Variants in CHRD observed in about 807,000 individuals in gnomAD.
The protein encoded by CHRD is chordin.
Under a neutral mutation model 113.7 loss-of-function variants are expected in CHRD, and 69 were observed. That is an observed-to-expected ratio of 0.61 (90% CI 0.50 to 0.74). The LOEUF (loss-of-function observed/expected upper bound fraction) is 0.74, where lower values mean the gene tolerates loss of function less well. Ranked by LOEUF, CHRD falls within the 30% of genes least tolerant of loss-of-function variation. The pLI is 0.00. For missense variants in CHRD, 1,194 were observed against 1,295.8 expected, an observed-to-expected ratio of 0.92 and a Z score of 1.21; for synonymous variants, 561 against 540.8, an observed-to-expected ratio of 1.04 and a Z score of -0.52.
In CHRD at chr3:184,384,497, C is replaced by T. The variant is rs780357829; in HGVS notation, c.1441-40C>T. Reference sequence around the variant, plus strand: ...GTCCAAGACTTCAGAACCTTGGACTCGTGTGAGAGCTGAGAAGGCCTATCC... The same window carrying T: ...GTCCAAGACTTCAGAACCTTGGACTTGTGTGAGAGCTGAGAAGGCCTATCC... On this transcript the variant is annotated intron_variant, in intron 12 of 22. Coordinates refer to ENST00000204604, the Ensembl canonical transcript of CHRD. This position sits in a 1 kb window ranked among gnomAD's most constrained non-coding sequence, Gnocchi z 4.4. 24 of 1,444,090 alleles carry T rather than the reference C, an allele frequency of 1.7e-5. No individual in the cohort carries two copies. The highest frequency in any genetic ancestry group is 1.6e-4 in the South Asian group (10 of 62,750). 89.5% of individuals were successfully genotyped at this position (1,444,090 alleles called of 1,614,324 possible).
Position 184,384,422 on chromosome 3 carries a change from G to A in CHRD, c.1441-115G>A. ...ACTGGGCCTGCCAGGTCCTTATCCTGTGTTTCTGGTGTGTGGAAGTGTGTG... is the reference window on the plus strand; with the variant it reads ...ACTGGGCCTGCCAGGTCCTTATCCTATGTTTCTGGTGTGTGGAAGTGTGTG... On this transcript the variant is annotated intron_variant, in intron 12 of 22. Transcript: ENST00000204604. The surrounding 1 kb of genome is among the most constrained non-coding windows in gnomAD (Gnocchi z 4.4). The A allele has an allele frequency of 8.1e-7, 1 of 1,228,244 alleles. No individual in the cohort carries two copies. The highest frequency in any genetic ancestry group is 1.1e-6 in the Non-Finnish European group (1 of 951,016). 76.1% of individuals were successfully genotyped at this position (1,228,244 alleles called of 1,614,324 possible). A position where few individuals can be genotyped will look rare whatever the true frequency, so the allele number is the denominator to read the frequency against.
chr3:184,383,192 G>A (rs184691285), intron 10 of CHRD, 29 bp downstream of exon 10: 36 of 1,592,260 alleles, frequency 2.3e-5, no homozygotes, highest in South Asian at 4.5e-5. Context: ...CTGGTGCGCC[G>A]GGCATGCACA....
chr3:184,388,730 T>G lies in CHRD; in HGVS notation c.2698T>G (p.Cys900Gly). ...TTTTGGAGAGATGAGCTGTATCACCTGCAGATGTGGGGTAAGTGGGGAGCA... is the reference window on the plus strand; with the variant it reads ...TTTTGGAGAGATGAGCTGTATCACCGGCAGATGTGGGGTAAGTGGGGAGCA... The change falls in exon 21 of 23, where the codon TGC becomes GGC. Residue 900 changes from cysteine (C) to glycine (G), a missense_variant. Cys to Gly is a radical substitution (Grantham distance 159). Transcript: ENST00000204604. The surrounding 1 kb of genome is among the most constrained non-coding windows in gnomAD (Gnocchi z 6.1). The G allele has an allele frequency of 6.2e-7, 1 of 1,613,994 alleles. No individual in the cohort carries two copies. Among genetic ancestry groups the G allele is most frequent in the Non-Finnish European group, 8.5e-7 (1 of 1,179,994 alleles).
Position 184,386,835 on chromosome 3 carries a change from C to T in CHRD, c.2197-10C>T, listed in dbSNP as rs1454221982. 6.2e-7 allele frequency: 1 copy of T among 1,614,164 alleles called. No homozygotes were observed. Among genetic ancestry groups the T allele is most frequent in the African/African-American group, 1.3e-5 (1 of 75,076 alleles). On this transcript the variant is annotated splice_polypyrimidine_tract_variant and intron_variant, in intron 16 of 22. Transcript: ENST00000204604. ...GACACTCCCGTCAATGCCTCTGCTC[C>T]TCTCTGCAGAGACGAACGGTGATCT...
At chr3:184,386,809 G>A (rs767663636) in intron 16 of CHRD, 36 bp from the exon 17 acceptor site, 1 of 1,613,884 alleles carries the variant, frequency 6.2e-7, no homozygotes, top group Non-Finnish European at 8.5e-7. Flanking sequence ...CAAGGGGCCT[G>A]GACACTCCCG....
Position 184,386,070 on chromosome 3 carries a change from G to T in CHRD, c.1843G>T (p.Glu615Ter), listed in dbSNP as rs1423293740. 6.2e-7 allele frequency: 1 copy of T among 1,614,104 alleles called. No individual in the cohort carries two copies. Among genetic ancestry groups the T allele is most frequent in the Non-Finnish European group, 8.5e-7 (1 of 1,180,054 alleles). The change falls in exon 15 of 23, where the codon GAG becomes TAG. Residue 615 changes from glutamate to a stop codon, truncating the protein, a stop_gained. Transcript: ENST00000204604. LOFTEE classifies it high-confidence loss of function. ...GGCCCAGGGTGTGGTGAAGGACCTG[G>T]AGCCGGAACTGCTGCGGCACCTGGC...
chr3:184,385,263 G>A, intron 14 of CHRD, 25 bp downstream of exon 14: 1 of 1,572,330 alleles, frequency 6.4e-7, no homozygotes, highest in Non-Finnish European at 8.7e-7. Context: ...GTAGGCGGCA[G>A]CTTGGAACAT....
In CHRD at chr3:184,383,307, C is replaced by T. The variant is rs370397365; in HGVS notation, c.1214-5C>T. 19 of 1,612,370 alleles carry T rather than the reference C, an allele frequency of 1.2e-5. No individual in the cohort carries two copies. The Admixed American group carries it at 1.5e-4, about 13-fold the overall frequency. ...CCTAGCCTCACCTGTCTTGCCCCTC[C>T]GTAGTCCTGCAAAGTGTCCTTTGTG... On this transcript the variant is annotated splice_region_variant and splice_polypyrimidine_tract_variant and intron_variant, in intron 10 of 22. Coordinates refer to ENST00000204604, the Ensembl canonical transcript of CHRD.
rs1577375028 is a variant in CHRD at position 184,380,272 on chromosome 3, T to C, written c.-47T>C. On this transcript the variant is annotated 5_prime_UTR_variant, in exon 1 of 23. Transcript: ENST00000204604. This position sits in a 1 kb window ranked among gnomAD's most constrained non-coding sequence, Gnocchi z 6.3. ...CTCCCGCCTCCCTCCCTCCGCCCGCTCCCGCGCCCTCCTCCCTCCCTCCTC... is the reference window on the plus strand; with the variant it reads ...CTCCCGCCTCCCTCCCTCCGCCCGCCCCCGCGCCCTCCTCCCTCCCTCCTC... 1.8e-6 allele frequency: 1 copy of C among 563,216 alleles called. No homozygotes were observed. Among genetic ancestry groups the C allele is most frequent in the South Asian group, 4.2e-5 (1 of 23,816 alleles). The allele number at this position is 563,216 out of a possible 1,614,324, so 34.9% of individuals were successfully genotyped here.
chr3:184,384,632 C>T lies in CHRD; in HGVS notation c.1536C>T (p.Asp512=), dbSNP rs143016568. 1,568 of 1,607,784 alleles carry T rather than the reference C, an allele frequency of 9.8e-4. 2 individuals carry two copies. The highest frequency in any genetic ancestry group is 1.3e-3 in the Non-Finnish European group (1,494 of 1,177,148). The change falls in exon 13 of 23, where the codon GAC becomes GAT. Residue 512 remains aspartate (D), a synonymous_variant. Transcript: ENST00000204604. This position sits in a 1 kb window ranked among gnomAD's most constrained non-coding sequence, Gnocchi z 4.4. Reference sequence around the variant, plus strand: ...ACGTGGGCACCAAGGACTTCCCAGACGGAGAGCTTCGGGGGCACGTGGCTG... The same window carrying T: ...ACGTGGGCACCAAGGACTTCCCAGATGGAGAGCTTCGGGGGCACGTGGCTG...
Position 184,387,350 on chromosome 3 carries a change from C to A in CHRD, c.2348-24C>A. 6.3e-7 allele frequency: 1 copy of A among 1,593,420 alleles called. No homozygotes were observed. ...CCAGCTGATGAGCTCATACTAATGG[C>A]TGCTGGGCCCTGTTCCCCACCAGGC... On this transcript the variant is annotated intron_variant, in intron 18 of 22. Transcript: ENST00000204604. The surrounding 1 kb of genome is among the most constrained non-coding windows in gnomAD (Gnocchi z 6.1).
In CHRD at chr3:184,380,435, G is replaced by A; in HGVS notation, c.117G>A (p.Glu39=). 7.8e-7 allele frequency: 1 copy of A among 1,285,676 alleles called. No homozygotes were observed. The highest frequency in any genetic ancestry group is 9.9e-7 in the Non-Finnish European group (1 of 1,011,326). 79.6% of individuals were successfully genotyped at this position (1,285,676 alleles called of 1,614,324 possible). A position where few individuals can be genotyped will look rare whatever the true frequency, so the allele number is the denominator to read the frequency against. The change falls in exon 1 of 23, where the codon GAG becomes GAA. Residue 39 remains glutamate (E), a synonymous_variant. Coordinates refer to ENST00000204604, the Ensembl canonical transcript of CHRD. This position sits in a 1 kb window ranked among gnomAD's most constrained non-coding sequence, Gnocchi z 6.3. ...CCCCCGTGCTGCCCATCCGTTCTGA[G>A]AAGGAGCCGCTGCCCGTTCGGGGAG... is the stretch of plus-strand genomic sequence containing the variant.
chr3:184,380,495 C>CGGGGAGTCGGGCTCGG lies in CHRD; in HGVS notation c.148+32_148+47dup. On this transcript the variant is annotated intron_variant, in intron 1 of 22. Coordinates refer to ENST00000204604, the Ensembl canonical transcript of CHRD. This position sits in a 1 kb window ranked among gnomAD's most constrained non-coding sequence, Gnocchi z 6.3. ...GGTGGGCGCCCGGGGGAGGCGCGGGCGGGGAGTCGGGCTCGGGGCGAGTCA... is the reference window on the plus strand; with the variant it reads ...GGTGGGCGCCCGGGGGAGGCGCGGGCGGGGAGTCGGGCTCGGGGGGAGTCGGGCTCGGGGCGAGTCA... 9.0e-7 allele frequency: 1 copy of CGGGGAGTCGGGCTCGG among 1,111,774 alleles called. No individual in the cohort carries two copies. The allele number at this position is 1,111,774 out of a possible 1,614,324, so 68.9% of individuals were successfully genotyped here.
chr3:184,385,270 A>T, intron 14 of CHRD, 32 bp downstream of exon 14: 1 of 1,556,660 alleles, frequency 6.4e-7, no homozygotes, highest in Non-Finnish European at 8.8e-7. Context: ...GCAGCTTGGA[A>T]CATTTCTGTT....
Position 184,383,583 on chromosome 3 carries a change from C to T in CHRD, c.1381C>T (p.Arg461Trp), listed in dbSNP as rs746833026. 30 of 1,613,886 alleles carry T rather than the reference C, an allele frequency of 1.9e-5. No individual in the cohort carries two copies. The highest frequency in any genetic ancestry group is 3.3e-5 in the Admixed American group (2 of 60,002). ...CATGACACTGGAGACCAAGCCTCAG[C>T]GGAGGGATCAGCGCACTGTCCTGTG... is the stretch of plus-strand genomic sequence containing the variant. Residue 461 changes from arginine to tryptophan, a missense_variant, in exon 12 of 23, where the codon CGG (arginine) becomes TGG (tryptophan). By Grantham distance (101) the Arg-to-Trp change is moderately radical. Transcript: ENST00000204604.
chr3:184,382,316 C>A (rs2108643881), intron 6 of CHRD, 73 bp from the exon 7 acceptor site: 1 of 1,593,266 alleles, frequency 6.3e-7, no homozygotes, highest in South Asian at 1.1e-5. Context: ...TTTCATAAGC[C>A]CTGCCTGGGC....
chr3:184,382,141 G>T (rs958053454), intron 6 of CHRD, 121 bp downstream of exon 6: 14 of 1,378,444 alleles, frequency 1.0e-5, no homozygotes, highest in African/African-American at 1.4e-5. Flanking sequence ...ACATTATGAT[G>T]CCCATTTTAC....
chr3:184,385,125 GTGC>G, exon 14 of CHRD: 1 of 1,614,204 alleles, frequency 6.2e-7, no homozygotes, highest in Admixed American at 1.7e-5. Flanking sequence ...GCACTATGAA[GTGC>G]TGCTGGCTGG....
intron 6 of CHRD, 174 bp from the exon 7 acceptor site, chr3:184,382,215 G>C: frequency 4.1e-6 from 5 of 1,222,768 alleles, no homozygotes; most frequent in Non-Finnish European, 5.8e-6. Flanking sequence ...GCTAGTAAGT[G>C]GTGCAGCCAG....
Sources: gnomAD v4.1 joint callset for allele counts on GRCh38, gnomAD v4.1.1 for gene constraint, Gnocchi (gnomAD v3.1) non-coding constraint, MANE v1.5 for transcripts, NCBI Gene and HGNC (gene_info 2026-07-23, HGNC 2026-07-21) for gene names.